The following JAKMIP3 variants were observed in gnomAD, a reference collection of about 807,000 sequenced individuals.
JAKMIP3 encodes janus kinase and microtubule-interacting protein 3.
A neutral mutation model predicts 118.5 loss-of-function variants in JAKMIP3; 58 were observed. That is an observed-to-expected ratio of 0.49 (90% CI 0.40 to 0.61). The LOEUF is 0.61. Among genes scored for constraint, JAKMIP3 ranks in the 20% least tolerant of loss-of-function variants. JAKMIP3 has a pLI of 0.00. For synonymous variants in JAKMIP3, 486 were observed against 451.2 expected (o/e 1.08, Z -0.98); for missense variants, 950 against 1,109.0 (o/e 0.86, Z 2.04).
At chr10:132,058,819 C>T (rs751777191) in intron 1 of JAKMIP3, among the ~76,000 whole-genome samples, 53 of 152,224 alleles carry the variant, frequency 3.5e-4, no homozygotes, top group Non-Finnish European at 8.8e-5. Context: ...ATCAAAAATG[C>T]ATAAAGTACC....
chr10:132,067,905 G>A (rs2039131940), intron 1 of JAKMIP3, among the ~76,000 whole-genome samples: 1 of 144,826 alleles, frequency 6.9e-6, no homozygotes, highest in African/African-American at 2.6e-5. Flanking sequence ...GGGCTTCTGT[G>A]TGGACTCTGG....
intron 1 of JAKMIP3, among the ~76,000 whole-genome samples, chr10:132,050,859 T>C (rs1397102095): frequency 6.6e-6 from 1 of 152,232 alleles, no homozygotes; most frequent in East Asian, 1.9e-4. Flanking sequence ...TTGGTCTTGT[T>C]AATTCCAGCC....
At chr10:132,167,118 C>G in intron 22 of JAKMIP3, 63 bp downstream of exon 22, 2 of 1,152,492 alleles carry the variant, frequency 1.7e-6, no homozygotes, top group Non-Finnish European at 2.5e-6. Context: ...GACTCCTCTG[C>G]CCCTGCCCTG....
chr10:132,122,272 G>A (rs1020384502), intron 3 of JAKMIP3, among the ~76,000 whole-genome samples: 5 of 151,918 alleles, frequency 3.3e-5, no homozygotes, highest in Non-Finnish European at 5.9e-5. Context: ...TCGGCTCCCC[G>A]GCTGTTGGGG....
At position 132,121,691 on chromosome 10, in the gene JAKMIP3, G is replaced by A. The variant is rs192923647; in HGVS notation, c.633+4117G>A. Among the ~76,000 whole-genome samples the A allele has an allele frequency of 3.3e-4, 51 of 152,310 alleles. No individual in the cohort carries two copies. The East Asian group carries it at 4.4e-3, about 13-fold the overall frequency. ...GAGTCTGGGGACGGGCAGGCCTGGG[G>A]ATAGAGCACTGTGGACGAGGCTGGC... On this transcript the variant is annotated intron_variant, in intron 3 of 23. Transcript: ENST00000684848.
At chr10:132,103,777 A>T (rs899898851) in intron 1 of JAKMIP3, among the ~76,000 whole-genome samples, 1 of 151,954 alleles carries the variant, frequency 6.6e-6, no homozygotes, top group African/African-American at 2.4e-5. Flanking sequence ...TGGGCGAGGG[A>T]GGGAAGCTTC....
chr10:132,057,796 C>T (rs1399212026), intron 1 of JAKMIP3, among the ~76,000 whole-genome samples: 3 of 152,196 alleles, frequency 2.0e-5, no homozygotes, highest in South Asian at 2.1e-4. Flanking sequence ...TCTCCAGTGC[C>T]GTCCTGGACA....
chr10:132,091,037 C>T (rs2043026738), intron 1 of JAKMIP3, among the ~76,000 whole-genome samples: 1 of 152,174 alleles, frequency 6.6e-6, no homozygotes, highest in South Asian at 2.1e-4. Context: ...TTGTTATGTA[C>T]CCAGTAGTCA....
rs959570300 is a variant in JAKMIP3, at chr10:132,170,647, C to T, written c.*1103+1614C>T. Among the ~76,000 whole-genome samples, 12 of 152,266 alleles carry T rather than the reference C, an allele frequency of 7.9e-5. No individual in the cohort carries two copies. In the East Asian group the frequency reaches 1.2e-3, roughly 15 times the overall value. ...GACTCGGAGCTTCTCCTGCTCCCAGCGTGTGTCCATGGGGGCGGTCAGGGT... is the reference window on the plus strand; with the variant it reads ...GACTCGGAGCTTCTCCTGCTCCCAGTGTGTGTCCATGGGGGCGGTCAGGGT... On this transcript the variant is annotated intron_variant, in intron 23 of 23. Coordinates refer to ENST00000684848, the MANE Select transcript of JAKMIP3 (RefSeq NM_001323087.2).
chr10:132,159,775 G>GGCC (rs1564982436), intron 19 of JAKMIP3, among the ~76,000 whole-genome samples: 6 of 17,878 alleles, frequency 3.4e-4, no homozygotes, highest in Non-Finnish European at 4.8e-4. Context: ...ATACTGGGGG[G>GGCC]TCTCTTCCTG....
Position 132,176,976 on chromosome 10 carries a change from A to C in JAKMIP3, c.*1104-5381A>C, listed in dbSNP as rs962727137. On this transcript the variant is annotated intron_variant, in intron 23 of 23. Transcript: ENST00000684848. ...TATTTCTCTTTGCTCTTTGTTTAGA[A>C]TCTTTCTGTTTTTACCAAGGGCGAA... is the stretch of plus-strand genomic sequence containing the variant. 3.3e-5 allele frequency among the ~76,000 whole-genome samples: 5 copies of C among 151,984 alleles called. No homozygotes were observed. The South Asian group carries it at 6.2e-4, about 19-fold the overall frequency.
At chr10:132,107,881 A>G (rs11146187) in intron 2 of JAKMIP3, among the ~76,000 whole-genome samples, 26,867 of 152,220 alleles carry the variant, frequency 0.18, 2,447 homozygotes, top group East Asian at 0.21. Flanking sequence ...TTGCAAGCCA[A>G]ATTGCTGGGC....
chr10:132,171,945 C>T (rs1478282486), intron 23 of JAKMIP3, among the ~76,000 whole-genome samples: 2 of 152,214 alleles, frequency 1.3e-5, no homozygotes, highest in South Asian at 4.1e-4. Context: ...TGAGCCCCTG[C>T]GCCCGGCCTG....
rs758187707 is a variant in JAKMIP3 at position 132,149,993 on chromosome 10, T to TG, written c.1960dup (p.Ala654GlyfsTer13). The TG allele has an allele frequency of 1.9e-6, 3 of 1,580,600 alleles. No homozygotes were observed. Among genetic ancestry groups the TG allele is most frequent in the Non-Finnish European group, 1.7e-6 (2 of 1,169,154 alleles). On this transcript the variant is annotated frameshift_variant, in exon 16 of 24. Transcript: ENST00000684848. LOFTEE classifies it high-confidence loss of function. ...CCTCTGTGCCTTAGGACATTGTGGT[T>TG]GCGGAGCTGATGAAGAAGCTGGACA...
At chr10:132,072,066 C>G (rs1489835079) in intron 1 of JAKMIP3, among the ~76,000 whole-genome samples, 1 of 151,962 alleles carries the variant, frequency 6.6e-6, no homozygotes, top group Non-Finnish European at 1.5e-5. Flanking sequence ...ATTCTCCTGC[C>G]TCAGCCTCTC....
At chr10:132,180,693 G>A (rs1263311919) in intron 23 of JAKMIP3, among the ~76,000 whole-genome samples, 9 of 19,626 alleles carry the variant, frequency 4.6e-4, no homozygotes, top group Non-Finnish European at 8.0e-4. Context: ...GTGTGTGTGC[G>A]TGCGTGTGTG....
At chr10:132,131,874 G>A (rs1454606708) in intron 3 of JAKMIP3, among the ~76,000 whole-genome samples, 1 of 152,174 alleles carries the variant, frequency 6.6e-6, no homozygotes, top group Non-Finnish European at 1.5e-5. Context: ...AAGAAGTGCA[G>A]GGTGGGGTGC....
chr10:132,139,172 GTA>G lies in JAKMIP3; in HGVS notation c.1344+996_1344+997del, dbSNP rs1456110495. Among the ~76,000 whole-genome samples, 10 of 109,534 alleles carry G rather than the reference GTA, an allele frequency of 9.1e-5. No homozygotes were observed. The South Asian group carries it at 2.1e-3, about 23-fold the overall frequency. 71.9% of individuals were successfully genotyped at this position (109,534 alleles called of 152,430 possible). On this transcript the variant is annotated intron_variant, in intron 9 of 23. Coordinates refer to ENST00000684848, the MANE Select transcript of JAKMIP3 (RefSeq NM_001323087.2). ...AGTATGAGTGTGTATGTACATGTGT[GTA>G]TGTGTCTGTGTATGTGTGTGTATGA...
intron 10 of JAKMIP3, among the ~76,000 whole-genome samples, chr10:132,140,920 C>T (rs1485728484): frequency 6.6e-6 from 1 of 152,226 alleles, no homozygotes; most frequent in Non-Finnish European, 1.5e-5. Flanking sequence ...TAAGGGGCCT[C>T]CCCAGGAGGG....
Sources: allele counts gnomAD v4.1 joint callset (sites outside exome capture counted in the v4.1 genomes callset), GRCh38; gene constraint gnomAD v4.1.1; transcripts MANE v1.5; gene names NCBI Gene and HGNC (gene_info 2026-07-23, HGNC 2026-07-21).